The following CLEC1B variants were observed in gnomAD, a reference collection of about 807,000 sequenced individuals.
CLEC1B encodes the protein C-type lectin-like receptor 2.
A neutral mutation model predicts 26.7 loss-of-function variants in CLEC1B; 26 were observed. The observed-to-expected ratio is 0.97, with a 90% CI of 0.71 to 1.35. CLEC1B has a LOEUF of 1.35. Ranked by LOEUF, CLEC1B falls within the 40% of genes most tolerant of loss-of-function variation. The pLI, the probability that CLEC1B is intolerant of heterozygous loss-of-function variation, is 0.00. For missense variants in CLEC1B, 293 were observed against 282.6 expected (o/e 1.04, Z -0.26); for synonymous variants, 112 against 96.0 (o/e 1.17, Z -0.97).
Position 9,999,040 on chromosome 12 carries a change from A to C in CLEC1B, c.61T>G (p.Ser21Ala). 1 of 1,583,546 alleles carries C rather than the reference A, an allele frequency of 6.3e-7. No homozygotes were observed. Among genetic ancestry groups the C allele is most frequent in the East Asian group, 2.2e-5 (1 of 44,502 alleles). Residue 21 changes from serine (S) to alanine (A), a missense_variant, in exon 1 of 6, where the codon TCC (serine) becomes GCC (alanine). Coordinates refer to ENST00000298527, the MANE Select transcript of CLEC1B (RefSeq NM_016509.4). ...NIKTRKPALI[S>A]VGSASSSWWR... ...TATTGGCTCTGAGCATTCTTACCGGAGATGAGAGCTGGTTTCCGAGTTTTA... is the reference window on the plus strand; with the variant it reads ...TATTGGCTCTGAGCATTCTTACCGGCGATGAGAGCTGGTTTCCGAGTTTTA...
intron 4 of CLEC1B, 171 bp downstream of exon 4, chr12:9,996,675 G>A (rs1865055879): frequency 1.4e-6 from 1 of 731,998 alleles, no homozygotes; most frequent in African/African-American, 1.7e-5. Flanking sequence ...AGAATATTAT[G>A]AGTGGATTGA....
At chr12:9,994,794 A>G (rs1473352099) in intron 5 of CLEC1B, among the ~76,000 whole-genome samples, 2 of 151,716 alleles carry the variant, frequency 1.3e-5, no homozygotes, top group Admixed American at 1.3e-4. Context: ...GATAATCAGA[A>G]CAAGCAAAAC....
In CLEC1B at chr12:9,996,873, G is replaced by A; in HGVS notation, c.411C>T (p.Leu137=). The part of the protein sequence containing the change: ...KQYCTDMNAT[L]LKIDNRNIVE... ...CAATGTTCCGGTTGTCAATCTTCAG[G>A]AGAGTAGCATTCATGTCAGTGCAGT... Residue 137 remains leucine (L), a synonymous_variant, in exon 4 of 6, where the codon CTC becomes CTT. Transcript: ENST00000298527. 1.2e-6 allele frequency: 2 copies of A among 1,614,008 alleles called. No homozygotes were observed. The highest frequency in any genetic ancestry group is 2.2e-5 in the South Asian group (2 of 91,074).
At chr12:9,999,437 T>A (rs900959653), upstream of CLEC1B, 24 of 191,010 alleles carry the variant, frequency 1.3e-4, no homozygotes, top group African/African-American at 4.9e-4. Context: ...AGAACAAAAG[T>A]TCATGCTTTA....
chr12:9,996,699 G>T, intron 4 of CLEC1B, 147 bp downstream of exon 4: 1 of 808,172 alleles, frequency 1.2e-6, no homozygotes, highest in Non-Finnish European at 2.1e-6. Flanking sequence ...TCTGGGTTCT[G>T]TAATTCTTAC....
chr12:9,996,224 A>C (rs1016191960), intron 4 of CLEC1B, among the ~76,000 whole-genome samples: 9 of 152,176 alleles, frequency 5.9e-5, no homozygotes, highest in African/African-American at 2.2e-4. Context: ...TATTTTCTTT[A>C]AAATATATCA....
At position 9,993,275 on chromosome 12, in the gene CLEC1B, C is replaced by T. The variant is rs756654849; in HGVS notation, c.558G>A (p.Leu186=). 14 of 1,610,908 alleles carry T rather than the reference C, an allele frequency of 8.7e-6. No individual in the cohort carries two copies. The highest frequency in any genetic ancestry group is 5.0e-5 in the Admixed American group (3 of 59,834). The part of the protein sequence containing the change: ...SVISENMFEF[L]EDGKGNMNCA... ...AATTCATATTTCCTTTTCCATCTTC[C>T]AAAAACTCAAACCTGTGAAGGGAAA... Residue 186 remains leucine (L), a synonymous_variant, in exon 6 of 6, where the codon TTG becomes TTA. Transcript: ENST00000298527.
upstream of CLEC1B, chr12:9,999,152 T>G: frequency 8.2e-7 from 1 of 1,219,110 alleles, no homozygotes; most frequent in Non-Finnish European, 1.2e-6. Context: ...TTGCAAAATG[T>G]AGTTTCCAAC....
upstream of CLEC1B, among the ~76,000 whole-genome samples, chr12:10,001,823 AT>A (rs1453529255): frequency 6.6e-6 from 1 of 151,810 alleles, no homozygotes; most frequent in African/African-American, 2.4e-5. Context: ...CCTTGCTTGA[AT>A]ATCTTATTCT....
rs267603266 is a variant in CLEC1B at position 9,995,206 on chromosome 12, C to T, written c.479G>A (p.Gly160Glu). 6.2e-7 allele frequency: 1 copy of T among 1,613,178 alleles called. No individual in the cohort carries two copies. Among genetic ancestry groups the T allele is most frequent in the Admixed American group, 1.7e-5 (1 of 60,000 alleles). Reference sequence around the variant, plus strand: ...CTCATTCGACTTCTGGCGAGATAATCCGACCCAACGAATTAAATGAGTCCT... The same window carrying T: ...CTCATTCGACTTCTGGCGAGATAATTCGACCCAACGAATTAAATGAGTCCT... ...KARTHLIRWVGLSRQKSNEVW... is the reference protein window; with the variant it reads ...KARTHLIRWVELSRQKSNEVW... Residue 160 changes from glycine to glutamate, a missense_variant, in exon 5 of 6, where the codon GGA becomes GAA. Physicochemically the swap from Gly to Glu is moderately conservative, Grantham distance 98 (BLOSUM62 -2). Coordinates refer to ENST00000298527, the MANE Select transcript of CLEC1B (RefSeq NM_016509.4).
At chr12:9,993,969 T>C (rs1287815172) in intron 5 of CLEC1B, among the ~76,000 whole-genome samples, 1 of 152,088 alleles carries the variant, frequency 6.6e-6, no homozygotes, top group African/African-American at 2.4e-5. Context: ...TGGGGAACTT[T>C]CATTTAAGTG....
At chr12:9,997,590 T>C (rs1163477549) in intron 2 of CLEC1B, among the ~76,000 whole-genome samples, 5 of 152,212 alleles carry the variant, frequency 3.3e-5, no homozygotes, top group East Asian at 1.9e-4. Flanking sequence ...AGCTGAGTTA[T>C]AGAGGTGAAT....
At chr12:9,998,700 A>G (rs866838814) in intron 1 of CLEC1B, among the ~76,000 whole-genome samples, 1 of 152,020 alleles carries the variant, frequency 6.6e-6, no homozygotes, top group Non-Finnish European at 1.5e-5. Flanking sequence ...TGCCATAAAT[A>G]ATTGCTTTAA....
At chr12:10,000,849 T>G (rs765223154), upstream of CLEC1B, among the ~76,000 whole-genome samples, 1 of 152,210 alleles carries the variant, frequency 6.6e-6, no homozygotes, top group Admixed American at 6.5e-5. Flanking sequence ...CAGTAACCCC[T>G]GTCTTTCACG....
chr12:9,995,397 A>G (rs1421454887), intron 4 of CLEC1B, 151 bp from the exon 5 acceptor site: 2 of 720,506 alleles, frequency 2.8e-6, no homozygotes, highest in Admixed American at 1.9e-5. Flanking sequence ...TTGAAATTGT[A>G]CCAATTTGAC....
intron 4 of CLEC1B, among the ~76,000 whole-genome samples, chr12:9,996,364 T>G (rs1247517254): frequency 2.0e-5 from 3 of 152,214 alleles, no homozygotes; most frequent in Non-Finnish European, 4.4e-5. Flanking sequence ...CTGCCTAGAC[T>G]AATACAAATT....
Position 9,995,812 on chromosome 12 carries a change from T to C in CLEC1B, c.439-566A>G, listed in dbSNP as rs747614702. 3 of 184,460 alleles carry C rather than the reference T, an allele frequency of 1.6e-5. No individual in the cohort carries two copies. In the South Asian group the frequency reaches 3.1e-4, roughly 19 times the overall value. 11.4% of individuals were successfully genotyped at this position (184,460 alleles called of 1,614,324 possible). A position where few individuals can be genotyped will look rare whatever the true frequency, so the allele number is the denominator to read the frequency against. Reference sequence around the variant, plus strand: ...TTCTTCTAATTAGCAATTATCACTATCTACTAAACTATATACTATATCATT... The same window carrying C: ...TTCTTCTAATTAGCAATTATCACTACCTACTAAACTATATACTATATCATT... On this transcript the variant is annotated intron_variant, in intron 4 of 5. Transcript: ENST00000298527.
At chr12:9,994,347 G>T (rs1864976801) in intron 5 of CLEC1B, among the ~76,000 whole-genome samples, 1 of 152,092 alleles carries the variant, frequency 6.6e-6, no homozygotes, top group Admixed American at 6.6e-5. Flanking sequence ...CTGTGAAGAG[G>T]CTTGCTTGTA....
intron 4 of CLEC1B, 48 bp downstream of exon 4, chr12:9,996,798 G>T (rs776324413): frequency 1.3e-6 from 2 of 1,598,424 alleles, no homozygotes; most frequent in Admixed American, 3.3e-5. Context: ...TTACATTTGA[G>T]GTTTCTCTTC....
Sources: allele counts gnomAD v4.1 joint callset (sites outside exome capture counted in the v4.1 genomes callset), GRCh38; gene constraint gnomAD v4.1.1; transcripts MANE v1.5; gene names NCBI Gene and HGNC (gene_info 2026-07-23, HGNC 2026-07-21).